KCTD16: variants seen among roughly 807,000 people sequenced by gnomAD.
KCTD16 encodes BTB/POZ domain-containing protein KCTD16.
A neutral mutation model predicts 33.2 loss-of-function variants in KCTD16; 13 were observed. The observed-to-expected ratio is 0.39, with a 90% CI of 0.25 to 0.62. KCTD16 has a LOEUF of 0.62. KCTD16 is among the 20% of genes least tolerant of loss of function. KCTD16 has a pLI of 0.50. For synonymous variants in KCTD16, 197 were observed against 195.3 expected (o/e 1.01, Z -0.07); for missense variants, 441 against 525.1 (o/e 0.84, Z 1.57).
chr5:144,252,782 G>A (rs1273518746), intron 3 of KCTD16, among the ~76,000 whole-genome samples: 1 of 151,616 alleles, frequency 6.6e-6, no homozygotes, highest in Non-Finnish European at 1.5e-5. Flanking sequence ...ATGGACGCTG[G>A]TGTCAGGAAA....
At chr5:144,233,061 G>A (rs1754151443) in intron 3 of KCTD16, among the ~76,000 whole-genome samples, 1 of 152,004 alleles carries the variant, frequency 6.6e-6, no homozygotes, top group Non-Finnish European at 1.5e-5. Context: ...AAGCAATATT[G>A]GAAAACATGG....
intron 3 of KCTD16, among the ~76,000 whole-genome samples, chr5:144,321,011 A>G (rs1051268415): frequency 6.6e-6 from 1 of 152,016 alleles, no homozygotes; most frequent in African/African-American, 2.4e-5. Flanking sequence ...ACATGCCACC[A>G]CACTTGGGTA....
chr5:144,388,820 C>G (rs1752388771), intron 3 of KCTD16, among the ~76,000 whole-genome samples: 1 of 152,162 alleles, frequency 6.6e-6, no homozygotes, highest in Non-Finnish European at 1.5e-5. Flanking sequence ...ACTCGAGACA[C>G]AGAATACATC....
rs188227209 is a variant in KCTD16 at position 144,268,883 on chromosome 5, T to C, written c.832+61337T>C. Among the ~76,000 whole-genome samples, 11 of 152,130 alleles carry C rather than the reference T, an allele frequency of 7.2e-5. No individual in the cohort carries two copies. In the East Asian group the frequency reaches 1.9e-3, roughly 27 times the overall value. Reference sequence around the variant, plus strand: ...TGTATGAACAAAATGAAAATATCAATAAAGATAAGACTTAAAAAGAAACCA... The same window carrying C: ...TGTATGAACAAAATGAAAATATCAACAAAGATAAGACTTAAAAAGAAACCA... On this transcript the variant is annotated intron_variant, in intron 3 of 3. Coordinates refer to ENST00000512467, the MANE Select transcript of KCTD16 (RefSeq NM_020768.4).
chr5:144,262,661 A>G (rs897796127), intron 3 of KCTD16, among the ~76,000 whole-genome samples: 2 of 152,230 alleles, frequency 1.3e-5, no homozygotes, highest in African/African-American at 2.4e-5. Flanking sequence ...ACATTGTCTT[A>G]AAAGAGAAAG....
At chr5:144,464,396 C>A (rs556483262) in intron 3 of KCTD16, among the ~76,000 whole-genome samples, 1 of 152,192 alleles carries the variant, frequency 6.6e-6, no homozygotes, top group South Asian at 2.1e-4. Flanking sequence ...CAATTTTACC[C>A]CTAGGGGACA....
At chr5:144,246,321 C>CTATGTCCA (rs1317285662) in intron 3 of KCTD16, among the ~76,000 whole-genome samples, 4 of 152,108 alleles carry the variant, frequency 2.6e-5, no homozygotes, top group Admixed American at 2.6e-4. Flanking sequence ...AATTATCAGG[C>CTATGTCCA]TATGTCCATT....
At chr5:144,258,786 T>A (rs561500487) in intron 3 of KCTD16, among the ~76,000 whole-genome samples, 24 of 152,222 alleles carry the variant, frequency 1.6e-4, no homozygotes, top group African/African-American at 5.8e-4. Flanking sequence ...TGCACAGCTA[T>A]ATGAATTCAG....
intron 3 of KCTD16, among the ~76,000 whole-genome samples, chr5:144,239,768 A>G (rs1754350500): frequency 1.3e-5 from 2 of 152,168 alleles, no homozygotes; most frequent in African/African-American, 4.8e-5. Flanking sequence ...AATGATAACT[A>G]TACAACGCAT....
At chr5:144,462,580 A>C (rs932296759) in intron 3 of KCTD16, among the ~76,000 whole-genome samples, 6 of 151,756 alleles carry the variant, frequency 4.0e-5, no homozygotes, top group South Asian at 2.1e-4. Context: ...AAAAAAAAAA[A>C]AACAAAAAAC....
chr5:144,451,487 G>A lies in KCTD16; in HGVS notation c.833-22173G>A, dbSNP rs115263896. 3.5e-3 allele frequency among the ~76,000 whole-genome samples: 530 copies of A among 152,190 alleles called. 2 individuals carry two copies. Among genetic ancestry groups the A allele is most frequent in the African/African-American group, 0.012 (511 of 41,516 alleles). On this transcript the variant is annotated intron_variant, in intron 3 of 3. Coordinates refer to ENST00000512467, the MANE Select transcript of KCTD16 (RefSeq NM_020768.4). ...GCTAAGAAGAAGACATTAATTACAG[G>A]TTAAAAATGACAAGCCAGTGTTATA...
At chr5:144,291,427 G>A (rs1755892797) in intron 3 of KCTD16, among the ~76,000 whole-genome samples, 1 of 152,064 alleles carries the variant, frequency 6.6e-6, no homozygotes, top group South Asian at 2.1e-4. Context: ...TTAGAACTCA[G>A]CATATACTAC....
In KCTD16 at chr5:144,362,288, GA is replaced by G. The variant is rs1261480126; in HGVS notation, c.833-111367del. 2.0e-5 allele frequency among the ~76,000 whole-genome samples: 3 copies of G among 152,154 alleles called. No individual in the cohort carries two copies. The East Asian group carries it at 5.8e-4, about 29-fold the overall frequency. ...AGCTGAATCCCTAGCATAGCTGGAG[GA>G]AAAAGAGAAGATAGGTGATGCAGAT... On this transcript the variant is annotated intron_variant, in intron 3 of 3. Coordinates refer to ENST00000512467, the MANE Select transcript of KCTD16 (RefSeq NM_020768.4).
At chr5:144,375,578 A>G (rs1752071323) in intron 3 of KCTD16, among the ~76,000 whole-genome samples, 1 of 152,154 alleles carries the variant, frequency 6.6e-6, no homozygotes, top group Non-Finnish European at 1.5e-5. Flanking sequence ...GAAATACCAG[A>G]TGGGTGGAAC....
intron 3 of KCTD16, among the ~76,000 whole-genome samples, chr5:144,317,945 C>T (rs1299558200): frequency 6.6e-6 from 1 of 152,156 alleles, no homozygotes; most frequent in Non-Finnish European, 1.5e-5. Context: ...AGTCTATGCC[C>T]GCACTTGGCA....
chr5:144,179,217 G>C (rs541614745), intron 2 of KCTD16, among the ~76,000 whole-genome samples: 4 of 152,314 alleles, frequency 2.6e-5, no homozygotes, highest in Admixed American at 1.3e-4. Context: ...GCTCTTGCCA[G>C]ATATGTCCCC....
chr5:144,195,432 C>T (rs1258509712), intron 2 of KCTD16, among the ~76,000 whole-genome samples: 1 of 152,162 alleles, frequency 6.6e-6, no homozygotes, highest in Non-Finnish European at 1.5e-5. Context: ...CCATCCAGCA[C>T]CTTTCATGAT....
intron 3 of KCTD16, among the ~76,000 whole-genome samples, chr5:144,309,361 C>G (rs2126876261): frequency 6.7e-6 from 1 of 148,996 alleles, no homozygotes; most frequent in East Asian, 1.9e-4. Context: ...CATATCTCCT[C>G]CACATTTTTT....
intron 3 of KCTD16, among the ~76,000 whole-genome samples, chr5:144,220,769 G>A (rs1328676878): frequency 1.3e-5 from 2 of 152,006 alleles, no homozygotes; most frequent in Admixed American, 6.5e-5. Context: ...GTGAAACCCC[G>A]TCTCTACTAA....
Sources: gnomAD v4.1 joint callset for allele counts (sites outside exome capture counted in the v4.1 genomes callset) on GRCh38, gnomAD v4.1.1 for gene constraint, MANE v1.5 for transcripts, NCBI Gene and HGNC (gene_info 2026-07-23, HGNC 2026-07-21) for gene names.